Variants in PLXNA4 observed in about 807,000 individuals in gnomAD.
PLXNA4 encodes plexin-A4.
A neutral mutation model predicts 191.8 loss-of-function variants in PLXNA4; 44 were observed. The ratio of observed to expected loss-of-function variants is 0.23; its 90% CI spans 0.18 to 0.29. The LOEUF (loss-of-function observed/expected upper bound fraction) is 0.29, where lower values mean the gene tolerates loss of function less well. Among genes scored for constraint, PLXNA4 ranks in the 10% least tolerant of loss-of-function variants. PLXNA4 has a pLI of 1.00. For synonymous variants in PLXNA4, 1,082 were observed against 1,009.5 expected, an observed-to-expected ratio of 1.07 and a Z score of -1.36; for missense variants, 1,800 against 2,488.8, an observed-to-expected ratio of 0.72 and a Z score of 5.89.
chr7:132,246,876 T>C (rs1799077823), intron 4 of PLXNA4, among the ~76,000 whole-genome samples: 2 of 152,050 alleles, frequency 1.3e-5, no homozygotes, highest in Admixed American at 6.5e-5. Flanking sequence ...TACAAAACAA[T>C]GGCCTAGCAC....
intron 24 of PLXNA4, among the ~76,000 whole-genome samples, chr7:132,160,108 T>C (rs1198938274): frequency 2.0e-5 from 3 of 152,176 alleles, no homozygotes; most frequent in Admixed American, 6.5e-5. Context: ...TTGTCACTCC[T>C]TCTTGGACAC....
chr7:132,246,786 CAT>C (rs1799069599), intron 4 of PLXNA4, among the ~76,000 whole-genome samples: 6 of 151,228 alleles, frequency 4.0e-5, no homozygotes, highest in Admixed American at 2.6e-4. Context: ...TCATCATCAT[CAT>C]CATCATCATC....
chr7:132,557,409 C>G (rs1217208110), intron 1 of PLXNA4, among the ~76,000 whole-genome samples: 1 of 152,062 alleles, frequency 6.6e-6, no homozygotes, highest in African/African-American at 2.4e-5. Flanking sequence ...TTATCAAAAC[C>G]TACAACTTAA....
At chr7:132,613,579 A>T (rs1245087687) in intron 2 of PLXNA4, among the ~76,000 whole-genome samples, 1 of 152,198 alleles carries the variant, frequency 6.6e-6, no homozygotes, top group Admixed American at 6.5e-5. Flanking sequence ...GGGGTGAGAC[A>T]GTGTGCTCCT....
chr7:132,623,055 C>A (rs750706702), intron 2 of PLXNA4, among the ~76,000 whole-genome samples: 1 of 152,114 alleles, frequency 6.6e-6, no homozygotes, highest in African/African-American at 2.4e-5. Context: ...GGTATAAGAA[C>A]TAAAATTGGC....
chr7:132,274,163 G>T (rs1295965058), intron 4 of PLXNA4, among the ~76,000 whole-genome samples: 1 of 152,046 alleles, frequency 6.6e-6, no homozygotes, highest in Non-Finnish European at 1.5e-5. Flanking sequence ...ATTTCCAGGT[G>T]CTGGAGACAG....
chr7:132,198,387 A>G (rs1797319612), intron 13 of PLXNA4, 98 bp downstream of exon 13: 3 of 1,481,850 alleles, frequency 2.0e-6, no homozygotes, highest in Non-Finnish European at 9.0e-7. Context: ...TTCCCCCACA[A>G]CAAGCTCTGA....
intron 10 of PLXNA4, 141 bp downstream of exon 10, chr7:132,210,801 AG>A: frequency 1.1e-6 from 1 of 907,518 alleles, no homozygotes; most frequent in South Asian, 1.6e-5. Context: ...ATGTGCCAGC[AG>A]GCATGGGGGA....
chr7:132,262,706 G>A (rs531703780), intron 4 of PLXNA4, among the ~76,000 whole-genome samples: 1 of 152,250 alleles, frequency 6.6e-6, no homozygotes, highest in East Asian at 1.9e-4. Flanking sequence ...AAGGAGAGAG[G>A]CACCATCTGC....
intron 3 of PLXNA4, among the ~76,000 whole-genome samples, chr7:132,435,664 C>T (rs142407601): frequency 7.4e-4 from 113 of 152,276 alleles, no homozygotes; most frequent in African/African-American, 2.5e-3. Context: ...CACCTGTGTT[C>T]GGCAACACTT....
chr7:132,321,213 T>C lies in PLXNA4; in HGVS notation c.1372-22991A>G, dbSNP rs980552184. Among the ~76,000 whole-genome samples the C allele has an allele frequency of 3.3e-5, 5 of 151,974 alleles. No homozygotes were observed. The South Asian group carries it at 8.3e-4, about 25-fold the overall frequency. Reference sequence around the variant, plus strand: ...TCTTTCTCCTGACAAAGAGAAGAGCTTGGCAGGGGTTGGTTAAGTTAACTC... The same window carrying C: ...TCTTTCTCCTGACAAAGAGAAGAGCCTGGCAGGGGTTGGTTAAGTTAACTC... On this transcript the variant is annotated intron_variant, in intron 3 of 31. Coordinates refer to ENST00000321063, the MANE Select transcript of PLXNA4 (RefSeq NM_020911.2).
At chr7:132,149,559 C>G (rs1795533978) in intron 25 of PLXNA4, among the ~76,000 whole-genome samples, 1 of 152,222 alleles carries the variant, frequency 6.6e-6, no homozygotes, top group African/African-American at 2.4e-5. Flanking sequence ...ATACCATTCT[C>G]ATGGACATAT....
intron 4 of PLXNA4, among the ~76,000 whole-genome samples, chr7:132,251,238 G>A (rs1311397395): frequency 2.0e-5 from 3 of 152,098 alleles, no homozygotes; most frequent in Admixed American, 6.5e-5. Flanking sequence ...CCCACAAAAT[G>A]TTTAATTTAA....
intron 1 of PLXNA4, among the ~76,000 whole-genome samples, chr7:132,554,598 G>T (rs1372745076): frequency 2.0e-5 from 3 of 152,168 alleles, no homozygotes; most frequent in African/African-American, 7.2e-5. Flanking sequence ...CAAAGCTAAG[G>T]TGCCTGGAAG....
intron 21 of PLXNA4, among the ~76,000 whole-genome samples, chr7:132,172,275 C>T (rs1360023196): frequency 6.6e-6 from 1 of 152,134 alleles, no homozygotes; most frequent in Non-Finnish European, 1.5e-5. Context: ...GTTTAGGAGC[C>T]AATGATAGAC....
In PLXNA4 at chr7:132,260,009, T is replaced by C. The variant is rs557141375; in HGVS notation, c.1504-18843A>G. Reference sequence around the variant, plus strand: ...AGGCTATTATTAAAAAGACAAAAAATAACAGATGGAGAGGTTGTGGAGGAA... The same window carrying C: ...AGGCTATTATTAAAAAGACAAAAAACAACAGATGGAGAGGTTGTGGAGGAA... On this transcript the variant is annotated intron_variant, in intron 4 of 31. Coordinates refer to ENST00000321063, the MANE Select transcript of PLXNA4 (RefSeq NM_020911.2). Among the ~76,000 whole-genome samples the C allele has an allele frequency of 1.0e-3, 158 of 151,860 alleles. 2 individuals carry two copies. The highest frequency in any genetic ancestry group is 3.7e-3 in the African/African-American group (153 of 41,394).
chr7:132,427,758 T>A (rs1015642177), intron 3 of PLXNA4, among the ~76,000 whole-genome samples: 1 of 152,226 alleles, frequency 6.6e-6, no homozygotes, highest in African/African-American at 2.4e-5. Flanking sequence ...TCCTGCCCGA[T>A]GCCTTCTCTA....
In PLXNA4 at chr7:132,365,209, G is replaced by A. The variant is rs150280366; in HGVS notation, c.1372-66987C>T. On this transcript the variant is annotated intron_variant, in intron 3 of 31. Coordinates refer to ENST00000321063, the MANE Select transcript of PLXNA4 (RefSeq NM_020911.2). ...TTTAACTGCTCCTTCAATAAGCTGA[G>A]AGAGCTCAGCAGTGAGTCCATAAAA... Among the ~76,000 whole-genome samples, 42 of 152,286 alleles carry A rather than the reference G, an allele frequency of 2.8e-4. No individual in the cohort carries two copies. The East Asian group carries it at 4.3e-3, about 15-fold the overall frequency.
intron 29 of PLXNA4, among the ~76,000 whole-genome samples, chr7:132,141,564 C>T (rs2116545384): frequency 6.6e-6 from 1 of 152,254 alleles, no homozygotes; most frequent in South Asian, 2.1e-4. Flanking sequence ...ATGAAATCAA[C>T]TACATGCCGG....
Sources: gnomAD v4.1 joint callset for allele counts (sites outside exome capture counted in the v4.1 genomes callset) on GRCh38, gnomAD v4.1.1 for gene constraint, MANE v1.5 for transcripts, NCBI Gene and HGNC (gene_info 2026-07-23, HGNC 2026-07-21) for gene names.